Variants in ZNF678 observed in about 807,000 individuals in gnomAD.
ZNF678 encodes the protein zinc finger protein 678, also known as hypothetical protein MGC42493.
ZNF678 carries 5 observed loss-of-function variants against 3.0 expected under a neutral mutation model. That is an observed-to-expected ratio of 1.69 (90% CI 0.88 to 3.56). The LOEUF (loss-of-function observed/expected upper bound fraction) is 3.56. Ranked by LOEUF, ZNF678 falls within the 30% of genes most tolerant of loss-of-function variation. The pLI is 0.00. For missense variants in ZNF678, 593 were observed against 605.0 expected, an observed-to-expected ratio of 0.98 and a Z score of 0.21; for synonymous variants, 218 against 199.6, an observed-to-expected ratio of 1.09 and a Z score of -0.78.
chr1:227,581,585 C>T (rs1253753355), intron 1 of ZNF678, among the ~76,000 whole-genome samples: 1 of 152,176 alleles, frequency 6.6e-6, no homozygotes, highest in Non-Finnish European at 1.5e-5. Context: ...TGGCGCATTG[C>T]TTCTTTTTCA....
chr1:227,656,310 TTAAAA>T lies in ZNF678; in HGVS notation c.*485_*489del, dbSNP rs1659248169. On this transcript the variant is annotated 3_prime_UTR_variant, in exon 4 of 4. Coordinates refer to ENST00000343776, the MANE Select transcript of ZNF678 (RefSeq NM_001367909.1). The stretch of plus-strand genomic sequence containing the variant: ...GTTGATTGTCGAGAATAATTCAAAG[TTAAAA>T]TAGATAATTTAGTTGTATGTAAATT... The T allele has an allele frequency of 6.6e-6, 1 of 151,950 alleles. No homozygotes were observed. Among genetic ancestry groups the T allele is most frequent in the African/African-American group, 2.4e-5 (1 of 41,420 alleles). 9.4% of individuals were successfully genotyped at this position (151,950 alleles called of 1,614,324 possible).
chr1:227,602,120 A>T (rs1402218192), intron 1 of ZNF678, among the ~76,000 whole-genome samples: 1 of 152,224 alleles, frequency 6.6e-6, no homozygotes, highest in Non-Finnish European at 1.5e-5. Context: ...AGGAGTGGTT[A>T]GAGAGCATCT....
At chr1:227,637,719 C>T (rs919999820) in intron 1 of ZNF678, among the ~76,000 whole-genome samples, 4 of 152,072 alleles carry the variant, frequency 2.6e-5, no homozygotes, top group Admixed American at 1.3e-4. Flanking sequence ...TTAGCAGCTT[C>T]GTATAACGGT....
intron 1 of ZNF678, among the ~76,000 whole-genome samples, chr1:227,625,550 G>GAGGTTAAAGATAC (rs1658388863): frequency 6.6e-6 from 1 of 152,182 alleles, no homozygotes; most frequent in African/African-American, 2.4e-5. Flanking sequence ...ACTTAACAAG[G>GAGGTTAAAGATAC]AGGTTAAAGA....
Position 227,654,947 on chromosome 1 carries a change from G to A in ZNF678, c.697G>A (p.Gly233Arg). 1 of 1,612,514 alleles carries A rather than the reference G, an allele frequency of 6.2e-7. No homozygotes were observed. Among genetic ancestry groups the A allele is most frequent in the Non-Finnish European group, 8.5e-7 (1 of 1,179,428 alleles). Residue 233 changes from glycine (G) to arginine (R), a missense_variant, in exon 4 of 4, where the codon GGA (glycine) becomes AGA (arginine). Physicochemically the swap from Gly to Arg is moderately radical, Grantham distance 125. Transcript: ENST00000343776. ...TACACAACATAAGAGAATTCATACT[G>A]GAGAGAAACCCTACAAATGCAAAGA... Reference protein sequence around the residue: ...NLTQHKRIHTGEKPYKCKECC... With the variant: ...NLTQHKRIHTREKPYKCKECC...
chr1:227,637,871 G>A (rs961637396), intron 1 of ZNF678, among the ~76,000 whole-genome samples: 4 of 152,124 alleles, frequency 2.6e-5, no homozygotes, highest in South Asian at 2.1e-4. Flanking sequence ...TCGGGTTCAC[G>A]GGCTAAGAGC....
chr1:227,673,206 G>C (rs1659630127), intron 5 of ZNF678, among the ~76,000 whole-genome samples: 1 of 152,058 alleles, frequency 6.6e-6, no homozygotes, highest in Non-Finnish European at 1.5e-5. Flanking sequence ...CCTGCCTCTT[G>C]GGTTTTCAAC....
In ZNF678 at chr1:227,656,993, A is replaced by G. The variant is rs1659266769; in HGVS notation, c.*1165A>G. Reference sequence around the variant, plus strand: ...CTTTTCCCAGTGGCTTTTAATTTCAAACAACTTGGGGAGGTTTTTTTTATG... The same window carrying G: ...CTTTTCCCAGTGGCTTTTAATTTCAGACAACTTGGGGAGGTTTTTTTTATG... On this transcript the variant is annotated 3_prime_UTR_variant, in exon 4 of 4. Coordinates refer to ENST00000343776, the MANE Select transcript of ZNF678 (RefSeq NM_001367909.1). The G allele has an allele frequency of 6.6e-6, 1 of 151,848 alleles. No homozygotes were observed. Among genetic ancestry groups the G allele is most frequent in the Non-Finnish European group, 1.5e-5 (1 of 67,850 alleles). The allele number at this position is 151,848 out of a possible 1,614,324, so 9.4% of individuals were successfully genotyped here. A position where few individuals can be genotyped will look rare whatever the true frequency, so the allele number is the denominator to read the frequency against.
chr1:227,646,402 G>A (rs573206483), intron 1 of ZNF678, 142 bp from the exon 2 acceptor site: 110 of 727,190 alleles, frequency 1.5e-4, no homozygotes, highest in Non-Finnish European at 2.1e-4. Context: ...GAATGCATTC[G>A]AGAATCTTTG....
chr1:227,563,771 G>A (rs1157926845), intron 1 of ZNF678, 47 bp downstream of exon 1: 1 of 1,304,658 alleles, frequency 7.7e-7, no homozygotes, highest in Non-Finnish European at 1.0e-6. Context: ...CCGGCCTCCC[G>A]GCGTCAGCAC....
chr1:227,627,882 C>G (rs777648844), intron 1 of ZNF678, among the ~76,000 whole-genome samples: 1 of 152,212 alleles, frequency 6.6e-6, no homozygotes, highest in Admixed American at 6.5e-5. Context: ...TCAAGGGAAC[C>G]TCTAGAAGGT....
rs1558161328 is a variant in ZNF678, at chr1:227,660,638, C to T, written c.*4810C>T. ...TTTTTAAAGTTTTCTATTTATAAGA[C>T]TATGATATCTGCAAACAGGGACAAT... On this transcript the variant is annotated 3_prime_UTR_variant, in exon 4 of 4. Transcript: ENST00000343776. The T allele has an allele frequency of 6.6e-6, 1 of 152,058 alleles. No individual in the cohort carries two copies. Among genetic ancestry groups the T allele is most frequent in the Non-Finnish European group, 1.5e-5 (1 of 68,004 alleles). The allele number at this position is 152,058 out of a possible 1,614,324, so 9.4% of individuals were successfully genotyped here.
intron 1 of ZNF678, among the ~76,000 whole-genome samples, chr1:227,603,028 C>G (rs1657774019): frequency 6.6e-6 from 1 of 152,164 alleles, no homozygotes; most frequent in Admixed American, 6.5e-5. Flanking sequence ...TAAAACATAA[C>G]TTGTGACCCA....
intron 5 of ZNF678, among the ~76,000 whole-genome samples, chr1:227,674,411 G>A (rs1212175546): frequency 6.6e-6 from 1 of 151,940 alleles, no homozygotes. Context: ...AGTATAAGAA[G>A]GATAGACAAG....
chr1:227,641,367 T>A (rs1022615650), intron 1 of ZNF678, among the ~76,000 whole-genome samples: 3 of 152,202 alleles, frequency 2.0e-5, no homozygotes, highest in African/African-American at 7.2e-5. Context: ...ATATATTTTT[T>A]AAAAAGATTC....
At chr1:227,629,844 A>G (rs1434408705) in intron 1 of ZNF678, among the ~76,000 whole-genome samples, 1 of 152,122 alleles carries the variant, frequency 6.6e-6, no homozygotes, top group Non-Finnish European at 1.5e-5. Flanking sequence ...TGCAGACCGC[A>G]CTGGAAGCAA....
intron 1 of ZNF678, among the ~76,000 whole-genome samples, chr1:227,635,397 T>C (rs1315830408): frequency 6.6e-6 from 1 of 152,210 alleles, no homozygotes; most frequent in Non-Finnish European, 1.5e-5. Context: ...AACTATCTTA[T>C]GTCATGAAGA....
intron 1 of ZNF678, among the ~76,000 whole-genome samples, chr1:227,624,618 G>A (rs1029744054): frequency 2.0e-5 from 3 of 152,154 alleles, no homozygotes; most frequent in African/African-American, 7.2e-5. Context: ...TTGGCCTCAC[G>A]GATTCCAAGG....
Position 227,593,773 on chromosome 1 carries a change from C to A in ZNF678, c.-164+30049C>A, listed in dbSNP as rs138800936. 6.4e-3 allele frequency among the ~76,000 whole-genome samples: 972 copies of A among 151,682 alleles called. 10 individuals are homozygous for A. The highest frequency in any genetic ancestry group is 0.022 in the African/African-American group (930 of 41,360). On this transcript the variant is annotated intron_variant, in intron 1 of 3. Transcript: ENST00000343776. ...ATGAAAAGAGTTACATTTTTCTTAG[C>A]TTTGGTAGGGTTTTCCCCTGGGACC...
Sources: allele counts gnomAD v4.1 joint callset (sites outside exome capture counted in the v4.1 genomes callset), GRCh38; gene constraint gnomAD v4.1.1; transcripts MANE v1.5; gene names NCBI Gene and HGNC (gene_info 2026-07-23, HGNC 2026-07-21).